SERPINB13: variants seen among roughly 807,000 people sequenced by gnomAD.
SERPINB13 encodes serpin B13.
A neutral mutation model predicts 31.2 loss-of-function variants in SERPINB13; 26 were observed. That is an observed-to-expected ratio of 0.83 (90% confidence interval 0.61 to 1.15). The LOEUF (loss-of-function observed/expected upper bound fraction) is 1.15. Among genes scored for constraint, SERPINB13 ranks in the 50% most tolerant of loss-of-function variants. The pLI is 0.00. For synonymous variants in SERPINB13, 191 were observed against 172.4 expected (o/e 1.11, Z -0.85); for missense variants, 510 against 469.4 (o/e 1.09, Z -0.80).
intron 5 of SERPINB13, chr18:63,594,148 T>C (rs2144403912): frequency 1.4e-6 from 2 of 1,472,870 alleles, no homozygotes; most frequent in Admixed American, 2.1e-5. Context: ...CCATGAACCT[T>C]AATTTATCCA....
chr18:63,588,754 T>G lies in SERPINB13; in HGVS notation c.87T>G (p.Phe29Leu). Residue 29 changes from phenylalanine to leucine, a missense_variant, in exon 2 of 8, where the codon TTT (phenylalanine) becomes TTG (leucine). Phe to Leu is a conservative substitution (Grantham distance 22). Transcript: ENST00000344731. ...AAACAAATGATGGCAACATCTTCTT[T>G]TCCCCTGTGGGCATCTTGACTGCAA... ...LKKTNDGNIFFSPVGILTAIG... is the reference protein window; with the variant it reads ...LKKTNDGNIFLSPVGILTAIG... The G allele has an allele frequency of 6.2e-7, 1 of 1,614,178 alleles. No homozygotes were observed. Among genetic ancestry groups the G allele is most frequent in the Non-Finnish European group, 8.5e-7 (1 of 1,180,008 alleles).
At chr18:63,588,618 G>A (rs965761544) in intron 1 of SERPINB13, 33 bp from the exon 2 acceptor site, 1 of 1,597,752 alleles carries the variant, frequency 6.3e-7, no homozygotes, top group Non-Finnish European at 8.6e-7. Context: ...TAATTCAAAT[G>A]TTCAGTTTTG....
Position 63,592,962 on chromosome 18 carries a change from A to C in SERPINB13, c.463A>C (p.Lys155Gln), listed in dbSNP as rs1281887750. The change falls in exon 5 of 8, where the codon AAA becomes CAA. Residue 155 changes from lysine to glutamine, a missense_variant. Lys to Gln is a moderately conservative substitution (Grantham distance 53, BLOSUM62 1). Transcript: ENST00000344731. ...GAAGATTAATTCCTGGGTTGAAAGC[A>C]AAACAAATGGTAGAGTATGGGTGGG... The part of the protein sequence containing the change: ...RKKINSWVES[K>Q]TNEKIKDLFP... 2 of 1,605,062 alleles carry C rather than the reference A, an allele frequency of 1.2e-6. No homozygotes were observed. Among genetic ancestry groups the C allele is most frequent in the Non-Finnish European group, 1.7e-6 (2 of 1,174,146 alleles).
chr18:63,588,877 C>T (rs998852606), intron 2 of SERPINB13, 45 bp downstream of exon 2: 6 of 1,507,936 alleles, frequency 4.0e-6, no homozygotes, highest in Non-Finnish European at 4.4e-6. Flanking sequence ...TGCACAAATT[C>T]ATTTGGCGGG....
chr18:63,589,627 A>C lies in SERPINB13; in HGVS notation c.166-29A>C, dbSNP rs772881914. ...GTGTGAGGTTTTCTCTTCTCTGAGC[A>C]CCACAGTAATATTTTCTATCTCTTC... On this transcript the variant is annotated intron_variant, in intron 2 of 7. Coordinates refer to ENST00000344731, the MANE Select transcript of SERPINB13 (RefSeq NM_012397.4). The C allele has an allele frequency of 1.9e-6, 3 of 1,609,660 alleles. No homozygotes were observed. The South Asian group carries it at 3.3e-5, about 18-fold the overall frequency.
At position 63,597,890 on chromosome 18, in the gene SERPINB13, A is replaced by G. The variant is rs1912281636; in HGVS notation, c.*527A>G. 1 of 153,494 alleles carries G rather than the reference A, an allele frequency of 6.5e-6. No individual in the cohort carries two copies. Among genetic ancestry groups the G allele is most frequent in the Non-Finnish European group, 1.5e-5 (1 of 68,862 alleles). The allele number at this position is 153,494 out of a possible 1,614,324, so 9.5% of individuals were successfully genotyped here. A position where few individuals can be genotyped will look rare whatever the true frequency, so the allele number is the denominator to read the frequency against. ...AAATGCCAGGACAAAATAAAACAATATACCAGATGGAGAGGATGCCCGTAT... is the reference window on the plus strand; with the variant it reads ...AAATGCCAGGACAAAATAAAACAATGTACCAGATGGAGAGGATGCCCGTAT... On this transcript the variant is annotated 3_prime_UTR_variant, in exon 8 of 8. Coordinates refer to ENST00000344731, the MANE Select transcript of SERPINB13 (RefSeq NM_012397.4).
At position 63,597,343 on chromosome 18, in the gene SERPINB13, G is replaced by A. The variant is rs1032618095; in HGVS notation, c.1156G>A (p.Gly386Ser). The A allele has an allele frequency of 2.5e-6, 4 of 1,612,564 alleles. No homozygotes were observed. Among genetic ancestry groups the A allele is most frequent in the Admixed American group, 1.7e-5 (1 of 59,984 alleles). ...HNESNSILFF[G>S]RFSSP is the part of the protein sequence containing the mutation. ...TGAATCCAACAGCATCCTCTTCTTC[G>A]GCAGATTTTCTTCTCCTTAAGATGA... The change falls in exon 8 of 8, where the codon GGC (glycine) becomes AGC (serine). Residue 386 changes from glycine (G) to serine (S), a missense_variant. Coordinates refer to ENST00000344731, the MANE Select transcript of SERPINB13 (RefSeq NM_012397.4).
chr18:63,590,396 CAT>C (rs1196950851), intron 3 of SERPINB13, among the ~76,000 whole-genome samples: 14 of 152,154 alleles, frequency 9.2e-5, no homozygotes, highest in African/African-American at 3.1e-4. Context: ...TGACAGTAGT[CAT>C]AGTGCAATTC....
chr18:63,595,205 A>T, intron 7 of SERPINB13, 21 bp downstream of exon 7: 3 of 1,591,118 alleles, frequency 1.9e-6, no homozygotes, highest in Non-Finnish European at 2.6e-6. Context: ...ACACCTCCTT[A>T]TTCTTTCTTT....
chr18:63,594,990 A>G (rs1912076180), intron 6 of SERPINB13, 39 bp from the exon 7 acceptor site: 2 of 1,566,864 alleles, frequency 1.3e-6, no homozygotes, highest in South Asian at 1.2e-5. Context: ...CTTTGGTCTT[A>G]TGTCCTTTGA....
rs1912260687 is a variant in SERPINB13 at position 63,597,537 on chromosome 18, GA to G, written c.*177del. On this transcript the variant is annotated 3_prime_UTR_variant, in exon 8 of 8. Transcript: ENST00000344731. The stretch of plus-strand genomic sequence containing the variant: ...AATGTGTGTGTTTATAACCATCCTC[GA>G]AAGTGAAATGTCCTTTTCTTTGTGC... 1.5e-6 allele frequency: 1 copy of G among 676,292 alleles called. No homozygotes were observed. Among genetic ancestry groups the G allele is most frequent in the African/African-American group, 1.8e-5 (1 of 55,356 alleles). The allele number at this position is 676,292 out of a possible 1,614,324, so 41.9% of individuals were successfully genotyped here.
At position 63,590,205 on chromosome 18, in the gene SERPINB13, G is replaced by A. The variant is rs368875324; in HGVS notation, c.225+490G>A. Reference sequence around the variant, plus strand: ...AAACTCCACTCATATTTTTAACCCCGTGCTGATGTTGTATTTAAAAAATTA... The same window carrying A: ...AAACTCCACTCATATTTTTAACCCCATGCTGATGTTGTATTTAAAAAATTA... On this transcript the variant is annotated intron_variant, in intron 3 of 7. Coordinates refer to ENST00000344731, the MANE Select transcript of SERPINB13 (RefSeq NM_012397.4). Among the ~76,000 whole-genome samples the A allele has an allele frequency of 3.9e-5, 6 of 152,262 alleles. No individual in the cohort carries two copies. In the South Asian group the frequency reaches 6.2e-4, roughly 16 times the overall value.
At chr18:63,590,538 C>T (rs763073420) in intron 3 of SERPINB13, among the ~76,000 whole-genome samples, 9 of 152,148 alleles carry the variant, frequency 5.9e-5, no homozygotes, top group Non-Finnish European at 1.2e-4. Context: ...TCAGGGTTTG[C>T]GCAACCAAGT....
At chr18:63,594,040 G>A (rs1041356966) in intron 5 of SERPINB13, 2 of 661,386 alleles carry the variant, frequency 3.0e-6, no homozygotes, top group African/African-American at 3.7e-5. Flanking sequence ...GGAAACTGAG[G>A]CACAGAGAGT....
rs1022083519 is a variant in SERPINB13 at position 63,598,925 on chromosome 18, T to C, written c.*1562T>C. On this transcript the variant is annotated 3_prime_UTR_variant, in exon 8 of 8. Transcript: ENST00000344731. ...CTCACCAACATCCAGGATTGTGTCT[T>C]TATGATTATAGCCATTTTTGTAGGT... 3 of 152,230 alleles carry C rather than the reference T, an allele frequency of 2.0e-5. No homozygotes were observed. The highest frequency in any genetic ancestry group is 7.2e-5 in the African/African-American group (3 of 41,464). 9.4% of individuals were successfully genotyped at this position (152,230 alleles called of 1,614,324 possible).
intron 1 of SERPINB13, 105 bp downstream of exon 1, chr18:63,587,555 A>G (rs1454742166): frequency 4.7e-6 from 2 of 421,264 alleles, no homozygotes; most frequent in African/African-American, 4.2e-5. Flanking sequence ...TTCTGGAGGT[A>G]GTTTTATTTA....
At chr18:63,592,767 A>T (rs1255333180) in intron 4 of SERPINB13, 87 bp from the exon 5 acceptor site, 1 of 885,914 alleles carries the variant, frequency 1.1e-6, no homozygotes, top group Non-Finnish European at 1.8e-6. Context: ...AGTCATCCTA[A>T]TGTATACATA....
chr18:63,595,307 A>G, intron 7 of SERPINB13, 123 bp downstream of exon 7: 1 of 922,132 alleles, frequency 1.1e-6, no homozygotes, highest in South Asian at 1.7e-5. Context: ...TCCAGCAGCT[A>G]CAGATGGATG....
intron 5 of SERPINB13, among the ~76,000 whole-genome samples, chr18:63,593,476 C>G (rs1443472053): frequency 6.6e-6 from 1 of 152,194 alleles, no homozygotes; most frequent in African/African-American, 2.4e-5. Flanking sequence ...TAGTCTTCAT[C>G]TTCACTTAAG....
Sources: allele counts gnomAD v4.1 joint callset (sites outside exome capture counted in the v4.1 genomes callset), GRCh38; gene constraint gnomAD v4.1.1; transcripts MANE v1.5; gene names NCBI Gene and HGNC (gene_info 2026-07-23, HGNC 2026-07-21).